EPC2: variants seen among roughly 807,000 people sequenced by gnomAD.
The protein encoded by EPC2 is enhancer of polycomb homolog 2.
Under a neutral mutation model 92.1 loss-of-function variants are expected in EPC2, and 14 were observed. The observed-to-expected ratio is 0.15, with a 90% CI of 0.10 to 0.24. The LOEUF (loss-of-function observed/expected upper bound fraction) is 0.24, where lower values mean the gene tolerates loss of function less well. Ranked by LOEUF, EPC2 falls within the 10% of genes least tolerant of loss-of-function variation. The probability of loss-of-function intolerance (pLI) is 1.00; values close to 1 mark genes in which losing one functional copy is unlikely to be tolerated. For missense variants in EPC2, 755 were observed against 971.5 expected (o/e 0.78, Z 2.96); for synonymous variants, 340 against 334.7 (o/e 1.02, Z -0.17).
intron 1 of EPC2, among the ~76,000 whole-genome samples, chr2:148,652,441 TA>T (rs1017081018): frequency 4.6e-5 from 7 of 151,998 alleles, no homozygotes; most frequent in South Asian, 2.1e-4. Context: ...AGTGTCCTTT[TA>T]AAAAAAAGCA....
At chr2:148,691,478 A>G in intron 2 of EPC2, 2 of 1,538,374 alleles carry the variant, frequency 1.3e-6, no homozygotes, top group Non-Finnish European at 1.8e-6. Context: ...CACCAGCTTT[A>G]AGACTGACTA....
chr2:148,679,401 C>A (rs890171530), intron 1 of EPC2, among the ~76,000 whole-genome samples: 1 of 152,086 alleles, frequency 6.6e-6, no homozygotes, highest in Non-Finnish European at 1.5e-5. Context: ...ACCAATATAT[C>A]CCAAGATTGT....
chr2:148,688,196 G>A (rs564143048), intron 1 of EPC2, among the ~76,000 whole-genome samples: 1 of 152,228 alleles, frequency 6.6e-6, no homozygotes, highest in East Asian at 1.9e-4. Flanking sequence ...TTAAGAAAAT[G>A]TGGCACATAT....
intron 1 of EPC2, among the ~76,000 whole-genome samples, chr2:148,663,356 C>T (rs1274988032): frequency 6.6e-6 from 1 of 150,668 alleles, no homozygotes; most frequent in Non-Finnish European, 1.5e-5. Context: ...GTAGCTGGGA[C>T]CATAGGTGCC....
At chr2:148,714,961 C>G (rs2105386718) in intron 2 of EPC2, among the ~76,000 whole-genome samples, 1 of 147,278 alleles carries the variant, frequency 6.8e-6, no homozygotes, top group African/African-American at 2.5e-5. Context: ...CTTTTGGCAT[C>G]TTTGTCATGA....
At chr2:148,778,763 T>A (rs1264688261) in intron 10 of EPC2, among the ~76,000 whole-genome samples, 1 of 152,076 alleles carries the variant, frequency 6.6e-6, no homozygotes, top group African/African-American at 2.4e-5. Context: ...CTCTAGAAAA[T>A]TCTGAATGAG....
chr2:148,663,193 TGTATTATTATTATTA>T (rs1226297632), intron 1 of EPC2, among the ~76,000 whole-genome samples: 1 of 98,636 alleles, frequency 1.0e-5, no homozygotes, highest in African/African-American at 3.5e-5. Flanking sequence ...ACTGTGTTTT[TGTATTATTATTATTA>T]TTATTATTAT....
chr2:148,745,758 T>C (rs1682974304), intron 3 of EPC2, among the ~76,000 whole-genome samples: 1 of 152,280 alleles, frequency 6.6e-6, no homozygotes, highest in Admixed American at 6.5e-5. Context: ...ATCTCTTTAC[T>C]TTTCCTTTAT....
intron 1 of EPC2, among the ~76,000 whole-genome samples, chr2:148,686,606 A>G (rs2105369516): frequency 6.6e-6 from 1 of 152,346 alleles, no homozygotes; most frequent in East Asian, 1.9e-4. Flanking sequence ...TACAAAATGG[A>G]TTTCTTAAAT....
At chr2:148,651,762 A>G (rs1353282628) in intron 1 of EPC2, among the ~76,000 whole-genome samples, 4 of 152,196 alleles carry the variant, frequency 2.6e-5, no homozygotes, top group Non-Finnish European at 5.9e-5. Context: ...TGAGTGTTTG[A>G]GCATGTGCCA....
chr2:148,697,871 C>A (rs1210274517), intron 2 of EPC2, among the ~76,000 whole-genome samples: 1 of 152,120 alleles, frequency 6.6e-6, no homozygotes, highest in Non-Finnish European at 1.5e-5. Flanking sequence ...GAAAATAATT[C>A]CACAATTTGA....
chr2:148,647,046 G>A (rs564460230), intron 1 of EPC2, among the ~76,000 whole-genome samples: 1 of 152,174 alleles, frequency 6.6e-6, no homozygotes, highest in South Asian at 2.1e-4. Flanking sequence ...GGAGAAAGAG[G>A]TTGCAGTGAG....
intron 2 of EPC2, among the ~76,000 whole-genome samples, chr2:148,722,105 T>C (rs1025298588): frequency 1.3e-5 from 2 of 152,120 alleles, no homozygotes; most frequent in African/African-American, 4.8e-5. Flanking sequence ...ATGATGTAAC[T>C]GGGTAAAGGG....
chr2:148,706,137 C>T (rs1238356561), intron 2 of EPC2, among the ~76,000 whole-genome samples: 4 of 152,088 alleles, frequency 2.6e-5, no homozygotes, highest in African/African-American at 2.4e-5. Flanking sequence ...CTAGAATAAA[C>T]AGTGTAGAGA....
intron 2 of EPC2, among the ~76,000 whole-genome samples, chr2:148,705,488 A>G (rs979116714): frequency 6.6e-6 from 1 of 152,156 alleles, no homozygotes; most frequent in African/African-American, 2.4e-5. Flanking sequence ...CTCTCCCAGC[A>G]CGGTGTTTGA....
intron 2 of EPC2, among the ~76,000 whole-genome samples, chr2:148,704,580 G>A (rs1474247326): frequency 6.6e-6 from 1 of 152,188 alleles, no homozygotes; most frequent in Non-Finnish European, 1.5e-5. Flanking sequence ...TATATACTCA[G>A]ATTTGAGAAT....
At chr2:148,770,090 G>A (rs1683486905) in intron 8 of EPC2, among the ~76,000 whole-genome samples, 1 of 152,076 alleles carries the variant, frequency 6.6e-6, no homozygotes, top group Non-Finnish European at 1.5e-5. Context: ...CTGTCACCAA[G>A]GCTGGAGTGC....
chr2:148,693,122 A>AT (rs1195121549), intron 2 of EPC2, among the ~76,000 whole-genome samples: 1 of 152,054 alleles, frequency 6.6e-6, no homozygotes, highest in East Asian at 1.9e-4. Flanking sequence ...CTCATTACTG[A>AT]TTTTTTCCAA....
intron 13 of EPC2, among the ~76,000 whole-genome samples, chr2:148,785,664 T>C (rs1473655147): frequency 6.6e-6 from 1 of 152,186 alleles, no homozygotes; most frequent in Non-Finnish European, 1.5e-5. Flanking sequence ...ATGGGAGTTG[T>C]TATGATTAAC....
Sources: allele counts gnomAD v4.1 joint callset (sites outside exome capture counted in the v4.1 genomes callset), GRCh38; gene constraint gnomAD v4.1.1; transcripts MANE v1.5; gene names NCBI Gene and HGNC (gene_info 2026-07-23, HGNC 2026-07-21).